The following UGT1A10 variants were observed in gnomAD, a reference collection of about 807,000 sequenced individuals.
The protein encoded by UGT1A10 is UDP-glucuronosyltransferase 1A10.
Under a neutral mutation model 45.8 loss-of-function variants are expected in UGT1A10, and 49 were observed. The observed-to-expected ratio is 1.07, with a 90% confidence interval of 0.85 to 1.36. UGT1A10 has a LOEUF of 1.36. UGT1A10 is among the 40% of genes most tolerant of loss of function. The pLI is 0.00. For synonymous variants in UGT1A10, 284 were observed against 249.7 expected (o/e 1.14, Z -1.29); for missense variants, 745 against 668.6 (o/e 1.11, Z -1.26).
rs762018928 is a variant in UGT1A10 at position 233,757,539 on chromosome 2, T to TATATACATATAC, written c.856-9490_856-9489insCATATACATATA. 2.5e-3 allele frequency among the ~76,000 whole-genome samples: 287 copies of TATATACATATAC among 115,694 alleles called. 10 individuals are homozygous for TATATACATATAC. The highest frequency in any genetic ancestry group is 0.013 in the Admixed American group (155 of 12,116). 75.9% of individuals were successfully genotyped at this position (115,694 alleles called of 152,430 possible). ...GCCAAAATCTTGCCTGTAAGGAATA[T>TATATACATATAC]ATATATATATATATATATATATGTA... On this transcript the variant is annotated intron_variant, in intron 1 of 4. Coordinates refer to ENST00000344644, the MANE Select transcript of UGT1A10 (RefSeq NM_019075.4).
intron 1 of UGT1A10, chr2:233,693,564 AC>A: frequency 6.2e-7 from 1 of 1,614,200 alleles, no homozygotes; most frequent in Non-Finnish European, 8.5e-7. Flanking sequence ...AGAAGCCCAG[AC>A]CCTGTGTCCT....
chr2:233,709,499 C>T (rs1449050951), intron 1 of UGT1A10, among the ~76,000 whole-genome samples: 1 of 152,092 alleles, frequency 6.6e-6, no homozygotes, highest in Non-Finnish European at 1.5e-5. Flanking sequence ...GAAGTCTCTG[C>T]CTCTTGCTCT....
rs1269170912 is a variant in UGT1A10 at position 233,716,767 on chromosome 2, C to G, written c.856-50267C>G. Among the ~76,000 whole-genome samples, 2 of 152,200 alleles carry G rather than the reference C, an allele frequency of 1.3e-5. 1 individual carries two copies. The highest frequency in any genetic ancestry group is 1.3e-4 in the Admixed American group (2 of 15,278). On this transcript the variant is annotated intron_variant, in intron 1 of 4. Coordinates refer to ENST00000344644, the MANE Select transcript of UGT1A10 (RefSeq NM_019075.4). ...ATTGGGAGAGGGGAGCTAGATCACT[C>G]AGGTCAGGCTTTCGGGATGCCTTTT...
Position 233,754,866 on chromosome 2 carries a change from C to G in UGT1A10, c.856-12168C>G, listed in dbSNP as rs1321579990. 5 of 1,351,528 alleles carry G rather than the reference C, an allele frequency of 3.7e-6. No homozygotes were observed. In the South Asian group the frequency reaches 5.7e-5, roughly 15 times the overall value. 83.7% of individuals were successfully genotyped at this position (1,351,528 alleles called of 1,614,324 possible). On this transcript the variant is annotated intron_variant, in intron 1 of 4. Transcript: ENST00000344644. ...GGCAGAGAAAAGGGGTGCAGACCCT[C>G]TGCTTCTGCTTCCCAGGGAGTTCCT...
At chr2:233,708,509 T>A (rs2076021555) in intron 1 of UGT1A10, 1 of 152,230 alleles carries the variant, frequency 6.6e-6, no homozygotes, top group South Asian at 2.1e-4. Context: ...CCCAGCACTT[T>A]GCGGGGCCGA....
At chr2:233,708,938 C>T (rs1169885161) in intron 1 of UGT1A10, among the ~76,000 whole-genome samples, 1 of 152,136 alleles carries the variant, frequency 6.6e-6, no homozygotes, top group African/African-American at 2.4e-5. Context: ...AACTATGTCA[C>T]CAGAACCCAT....
intron 1 of UGT1A10, among the ~76,000 whole-genome samples, chr2:233,714,873 C>T (rs1233346677): frequency 6.8e-6 from 1 of 147,574 alleles, no homozygotes; most frequent in South Asian, 2.2e-4. Context: ...AAAATTCTAT[C>T]TTTTAAATTT....
intron 1 of UGT1A10, among the ~76,000 whole-genome samples, chr2:233,642,926 C>A (rs1202386095): frequency 6.6e-6 from 1 of 152,134 alleles, no homozygotes; most frequent in African/African-American, 2.4e-5. Flanking sequence ...CTGTTCTGAG[C>A]CACCTCAAGC....
At chr2:233,656,389 A>G (rs931579867) in intron 1 of UGT1A10, among the ~76,000 whole-genome samples, 3 of 152,238 alleles carry the variant, frequency 2.0e-5, no homozygotes, top group African/African-American at 7.2e-5. Context: ...GTCCAATGAA[A>G]GCAGTATTTG....
intron 1 of UGT1A10, among the ~76,000 whole-genome samples, chr2:233,679,775 C>T (rs535392626): frequency 6.6e-6 from 1 of 152,094 alleles, no homozygotes; most frequent in African/African-American, 2.4e-5. Flanking sequence ...ATTAAATTCT[C>T]CAGTTTTAGA....
intron 1 of UGT1A10, chr2:233,693,459 C>A (rs201855477): frequency 1.9e-6 from 3 of 1,614,104 alleles, no homozygotes; most frequent in Middle Eastern, 1.6e-4. Flanking sequence ...ACAGACCCAG[C>A]CTTACCCTGT....
chr2:233,767,766 C>T lies in UGT1A10; in HGVS notation c.988-83C>T, dbSNP rs28900402. The stretch of plus-strand genomic sequence containing the variant: ...TAAAGACTGTTCCTTCAGAGGACCC[C>T]TGTTTTCTAGTTAGTATAGCAGATT... On this transcript the variant is annotated intron_variant, in intron 2 of 4. Coordinates refer to ENST00000344644, the MANE Select transcript of UGT1A10 (RefSeq NM_019075.4). 4.7e-3 allele frequency: 7,536 copies of T among 1,609,198 alleles called. 310 individuals are homozygous for T. The African/African-American group carries it at 0.088, about 19-fold the overall frequency.
chr2:233,636,874 G>A lies in UGT1A10; in HGVS notation c.352G>A (p.Asp118Asn), dbSNP rs45458396. The change falls in exon 1 of 5, where the codon GAC becomes AAC. Residue 118 changes from aspartate (D) to asparagine (N), a missense_variant. Asp to Asn is a conservative substitution (Grantham distance 23). Coordinates refer to ENST00000344644, the MANE Select transcript of UGT1A10 (RefSeq NM_019075.4). ...AATGAGTTCATCCAGTGGTTTTCTT[G>A]ACTTATTTTTTTCGCATTGCAGGAG... is the stretch of plus-strand genomic sequence containing the variant. ...LLMSSSSGFL[D>N]LFFSHCRSLF... is the part of the protein sequence containing the mutation. 2.5e-6 allele frequency: 4 copies of A among 1,614,054 alleles called. No homozygotes were observed. The highest frequency in any genetic ancestry group is 2.2e-5 in the East Asian group (1 of 44,876).
chr2:233,717,019 C>T (rs565921927), intron 1 of UGT1A10, among the ~76,000 whole-genome samples: 3 of 152,276 alleles, frequency 2.0e-5, no homozygotes, highest in South Asian at 2.1e-4. Context: ...CTGAAGGCAC[C>T]ACCATCTTCC....
intron 1 of UGT1A10, among the ~76,000 whole-genome samples, chr2:233,732,436 G>A (rs987831872): frequency 2.6e-5 from 4 of 152,194 alleles, no homozygotes; most frequent in Non-Finnish European, 4.4e-5. Flanking sequence ...GATTTTTATG[G>A]TTTTAGGTCT....
At chr2:233,694,135 G>A (rs2075201567) in intron 1 of UGT1A10, among the ~76,000 whole-genome samples, 1 of 152,152 alleles carries the variant, frequency 6.6e-6, no homozygotes, top group African/African-American at 2.4e-5. Context: ...CTCATTGAAT[G>A]AGCCTTAGAA....
At chr2:233,733,916 G>A (rs1485118411) in intron 1 of UGT1A10, among the ~76,000 whole-genome samples, 2 of 151,970 alleles carry the variant, frequency 1.3e-5, no homozygotes, top group South Asian at 2.1e-4. Context: ...GGTAGAATTC[G>A]GCTGTGAGGA....
At chr2:233,673,812 T>C (rs1156666728) in intron 1 of UGT1A10, among the ~76,000 whole-genome samples, 2 of 152,096 alleles carry the variant, frequency 1.3e-5, no homozygotes, top group Non-Finnish European at 2.9e-5. Flanking sequence ...TACTAACTTA[T>C]CTTATTATTT....
At chr2:233,682,209 T>C (rs748750043) in intron 1 of UGT1A10, 10 of 1,614,108 alleles carry the variant, frequency 6.2e-6, no homozygotes, top group Middle Eastern at 1.6e-4. Context: ...CGGGAGTTCA[T>C]GGTTTTTGCC....
Sources: gnomAD v4.1 joint callset for allele counts (sites outside exome capture counted in the v4.1 genomes callset) on GRCh38, gnomAD v4.1.1 for gene constraint, MANE v1.5 for transcripts, NCBI Gene and HGNC (gene_info 2026-07-23, HGNC 2026-07-21) for gene names.